GRID2: variants seen among roughly 807,000 people sequenced by gnomAD.
GRID2 encodes glutamate receptor ionotropic, delta-2.
A neutral mutation model predicts 114.8 loss-of-function variants in GRID2; 33 were observed. That is an observed-to-expected ratio of 0.29 (90% CI 0.22 to 0.38). The LOEUF is 0.38. GRID2 is among the 10% of genes least tolerant of loss of function. The pLI is 1.00. For missense variants in GRID2, 1,184 were observed against 1,257.7 expected, an observed-to-expected ratio of 0.94 and a Z score of 0.89; for synonymous variants, 505 against 449.9, an observed-to-expected ratio of 1.12 and a Z score of -1.55.
chr4:92,758,093 G>T (rs1261639336), intron 2 of GRID2, among the ~76,000 whole-genome samples: 1 of 152,014 alleles, frequency 6.6e-6, no homozygotes, highest in East Asian at 1.9e-4. Context: ...TCAATAAGGA[G>T]AACAGATTAA....
At chr4:92,969,792 T>C (rs1348989868) in intron 2 of GRID2, among the ~76,000 whole-genome samples, 1 of 151,828 alleles carries the variant, frequency 6.6e-6, no homozygotes, top group Admixed American at 6.6e-5. Flanking sequence ...CTAGTACCAA[T>C]AGAAACCCTT....
At chr4:93,345,936 A>T (rs112585751) in intron 8 of GRID2, among the ~76,000 whole-genome samples, 6,051 of 152,122 alleles carry the variant, frequency 0.04, 162 homozygotes, top group South Asian at 0.068. Flanking sequence ...GCAACTTTTT[A>T]AAAAAATCAG....
chr4:93,485,429 G>C (rs896696852), intron 11 of GRID2, among the ~76,000 whole-genome samples: 1 of 151,484 alleles, frequency 6.6e-6, no homozygotes, highest in African/African-American at 2.4e-5. Flanking sequence ...TGCATTTTAT[G>C]CTGTGTTTAA....
At chr4:93,110,223 T>C (rs567381716) in intron 3 of GRID2, among the ~76,000 whole-genome samples, 5 of 152,292 alleles carry the variant, frequency 3.3e-5, no homozygotes, top group African/African-American at 1.2e-4. Flanking sequence ...TGGTCTAAGT[T>C]ACCTGAGGCC....
intron 7 of GRID2, among the ~76,000 whole-genome samples, chr4:93,232,865 C>A (rs1412216305): frequency 6.6e-6 from 1 of 151,872 alleles, no homozygotes; most frequent in Non-Finnish European, 1.5e-5. Context: ...ATTCATTCAA[C>A]AAATATTTAT....
At chr4:93,424,335 T>G (rs1409998091) in intron 10 of GRID2, among the ~76,000 whole-genome samples, 1 of 152,142 alleles carries the variant, frequency 6.6e-6, no homozygotes, top group Non-Finnish European at 1.5e-5. Context: ...CCTGAAGAAC[T>G]TTCTTTAGAG....
intron 9 of GRID2, among the ~76,000 whole-genome samples, chr4:93,404,309 T>C (rs1419666575): frequency 6.6e-6 from 1 of 152,160 alleles, no homozygotes; most frequent in African/African-American, 2.4e-5. Flanking sequence ...TAAAACTGAC[T>C]GCAATGATGA....
chr4:93,719,506 T>A (rs1729179528), intron 14 of GRID2, among the ~76,000 whole-genome samples: 1 of 152,236 alleles, frequency 6.6e-6, no homozygotes, highest in East Asian at 1.9e-4. Context: ...TATGGTATTT[T>A]GGATTTTCAT....
intron 2 of GRID2, among the ~76,000 whole-genome samples, chr4:92,696,864 C>T (rs943329348): frequency 7.9e-5 from 12 of 152,076 alleles, no homozygotes; most frequent in African/African-American, 2.9e-4. Flanking sequence ...CAGCAGGGTA[C>T]AACAATAAAA....
intron 1 of GRID2, among the ~76,000 whole-genome samples, chr4:92,576,052 T>C (rs1727876769): frequency 6.6e-6 from 1 of 152,230 alleles, no homozygotes; most frequent in South Asian, 2.1e-4. Flanking sequence ...CAGGCTGGAA[T>C]GGCTGAGTTG....
chr4:93,704,722 TG>T (rs1341748164), intron 14 of GRID2, among the ~76,000 whole-genome samples: 1 of 152,242 alleles, frequency 6.6e-6, no homozygotes, highest in Non-Finnish European at 1.5e-5. Flanking sequence ...TTTCTGTGCC[TG>T]GATTTTTTTC....
At chr4:92,976,462 A>G (rs945009354) in intron 2 of GRID2, among the ~76,000 whole-genome samples, 3 of 152,102 alleles carry the variant, frequency 2.0e-5, no homozygotes, top group Non-Finnish European at 4.4e-5. Flanking sequence ...TTCTATAACA[A>G]TATTATATTA....
intron 1 of GRID2, among the ~76,000 whole-genome samples, chr4:92,331,358 C>G (rs555873615): frequency 7.2e-5 from 11 of 152,224 alleles, no homozygotes; most frequent in African/African-American, 1.7e-4. Context: ...GCACTTAGCC[C>G]GATCTGTCTT....
intron 2 of GRID2, among the ~76,000 whole-genome samples, chr4:93,064,813 A>G (rs1416355742): frequency 2.6e-5 from 4 of 151,998 alleles, no homozygotes; most frequent in Non-Finnish European, 5.9e-5. Flanking sequence ...GTTTAATGAC[A>G]TTTCATGTTA....
At chr4:92,943,643 A>T (rs893422480) in intron 2 of GRID2, among the ~76,000 whole-genome samples, 1 of 152,088 alleles carries the variant, frequency 6.6e-6, no homozygotes, top group East Asian at 1.9e-4. Context: ...CCTTTGGAGG[A>T]GGAGAGGTGC....
At chr4:93,163,399 T>TATATATATATAC in intron 4 of GRID2, among the ~76,000 whole-genome samples, 6 of 49,136 alleles carry the variant, frequency 1.2e-4, no homozygotes, top group African/African-American at 3.9e-4. Context: ...TATATATATA[T>TATATATATATAC]ACACTATATA....
chr4:93,530,511 G>A (rs1731340467), intron 13 of GRID2, among the ~76,000 whole-genome samples: 1 of 152,088 alleles, frequency 6.6e-6, no homozygotes, highest in Non-Finnish European at 1.5e-5. Context: ...CATCAGGAAT[G>A]CACTCCTCTG....
intron 14 of GRID2, among the ~76,000 whole-genome samples, chr4:93,686,120 A>G (rs1385481281): frequency 1.3e-5 from 2 of 151,926 alleles, no homozygotes; most frequent in East Asian, 3.9e-4. Context: ...CTGTCTCTCC[A>G]TTGCCAAAAC....
At chr4:93,679,486 C>G (rs1224488644) in intron 14 of GRID2, among the ~76,000 whole-genome samples, 1 of 150,704 alleles carries the variant, frequency 6.6e-6, no homozygotes, top group African/African-American at 2.5e-5. Flanking sequence ...TTTTTTTCAG[C>G]ACCACACCAC....
Sources: allele counts gnomAD v4.1 joint callset (sites outside exome capture counted in the v4.1 genomes callset), GRCh38; gene constraint gnomAD v4.1.1; transcripts MANE v1.5; gene names NCBI Gene and HGNC (gene_info 2026-07-23, HGNC 2026-07-21).